Variants in PTGER4 observed in about 807,000 individuals in gnomAD.
PTGER4 encodes the protein prostaglandin E2 receptor EP4 subtype.
Under a neutral mutation model 33.2 loss-of-function variants are expected in PTGER4, and 11 were observed. That is an observed-to-expected ratio of 0.33 (90% CI 0.21 to 0.55). The LOEUF is 0.55. PTGER4 is among the 20% of genes least tolerant of loss of function. PTGER4 has a pLI of 0.92. For synonymous variants in PTGER4, 275 were observed against 281.5 expected (o/e 0.98, Z 0.23); for missense variants, 481 against 650.2 (o/e 0.74, Z 2.83).
At chr5:40,719,999 C>T in the PTGER4 span, among the ~76,000 whole-genome samples, 1,186 of 152,216 alleles carry the variant, frequency 7.8e-3, 12 homozygotes, top group African/African-American at 0.026. Context: ...TGCCTTTTCA[C>T]TTTCTTGACA....
chr5:40,708,289 A>T, the PTGER4 span, among the ~76,000 whole-genome samples: 13 of 152,158 alleles, frequency 8.5e-5, no homozygotes, highest in Admixed American at 7.9e-4. Context: ...CGCTAGCAAG[A>T]CTAATAAAGA....
At chr5:40,690,929 C>G (rs536796858) in intron 2 of PTGER4, among the ~76,000 whole-genome samples, 1 of 152,222 alleles carries the variant, frequency 6.6e-6, no homozygotes, top group Non-Finnish European at 1.5e-5. Flanking sequence ...TGTCTTTGCT[C>G]TAGGGAAGAT....
At chr5:40,726,748 A>G in the PTGER4 span, among the ~76,000 whole-genome samples, 1 of 152,162 alleles carries the variant, frequency 6.6e-6, no homozygotes, top group South Asian at 2.1e-4. Flanking sequence ...AATCTTTACT[A>G]AATATTATGT....
chr5:40,739,591 T>C, the PTGER4 span, among the ~76,000 whole-genome samples: 1 of 152,174 alleles, frequency 6.6e-6, no homozygotes, highest in African/African-American at 2.4e-5. Flanking sequence ...CTCTTCCTCC[T>C]GCTCCAGCCA....
chr5:40,695,368 C>T (rs1741565772), downstream of PTGER4, among the ~76,000 whole-genome samples: 1 of 152,070 alleles, frequency 6.6e-6, no homozygotes, highest in African/African-American at 2.4e-5. Flanking sequence ...CGTAATGAAA[C>T]CTCATCTCCA....
chr5:40,728,419 G>T, the PTGER4 span: 4 of 1,613,892 alleles, frequency 2.5e-6, no homozygotes, highest in African/African-American at 4.0e-5. Flanking sequence ...GGATTTTGCT[G>T]GACGGCCATT....
At chr5:40,697,897 A>C (rs1741650450), downstream of PTGER4, among the ~76,000 whole-genome samples, 1 of 151,776 alleles carries the variant, frequency 6.6e-6, no homozygotes, top group Non-Finnish European at 1.5e-5. Context: ...GGAGGCTGAG[A>C]CAGGATTGCT....
In PTGER4 at chr5:40,681,006, G is replaced by A; in HGVS notation, c.13G>A (p.Gly5Arg). MSTP[G>R]VNSSASLSPD... The stretch of plus-strand genomic sequence containing the variant: ...GCCAGCCACTATCATGTCCACTCCC[G>A]GGGTCAATTCGTCCGCCTCCTTGAG... Residue 5 changes from glycine (G) to arginine (R), a missense_variant, in exon 2 of 3, where the codon GGG becomes AGG. Gly to Arg is a moderately radical substitution (Grantham distance 125, BLOSUM62 -2). Around this residue, in one of 7 missense-constraint regions of PTGER4, gnomAD observed 26 missense variants for 21.0 expected, o/e 1.24. Coordinates refer to ENST00000302472, the MANE Select transcript of PTGER4 (RefSeq NM_000958.3). The surrounding 1 kb of genome is among the most constrained non-coding windows in gnomAD (Gnocchi z 9.8). The A allele has an allele frequency of 2.5e-6, 4 of 1,612,040 alleles. No individual in the cohort carries two copies. The highest frequency in any genetic ancestry group is 3.4e-6 in the Non-Finnish European group (4 of 1,178,976).
At chr5:40,739,562 C>T in the PTGER4 span, among the ~76,000 whole-genome samples, 1 of 152,044 alleles carries the variant, frequency 6.6e-6, no homozygotes, top group South Asian at 2.1e-4. Context: ...GTGTGTAGCA[C>T]TCCCACTCCC....
At chr5:40,703,324 G>C in the PTGER4 span, among the ~76,000 whole-genome samples, 1 of 152,006 alleles carries the variant, frequency 6.6e-6, no homozygotes, top group Non-Finnish European at 1.5e-5. Context: ...CTACTGAGCT[G>C]ACAGAAATAA....
chr5:40,726,144 TA>T, the PTGER4 span, among the ~76,000 whole-genome samples: 55 of 78,416 alleles, frequency 7.0e-4, no homozygotes, highest in South Asian at 6.9e-3. Context: ...TAAAGTCTTT[TA>T]TATATATATA....
the PTGER4 span, among the ~76,000 whole-genome samples, chr5:40,743,102 C>A: frequency 6.6e-6 from 1 of 152,100 alleles, no homozygotes. Context: ...TAAGTGTATA[C>A]AGTAACTTCA....
At chr5:40,733,027 G>GA in the PTGER4 span, among the ~76,000 whole-genome samples, 19 of 149,134 alleles carry the variant, frequency 1.3e-4, no homozygotes, top group African/African-American at 3.2e-4. Context: ...TAACACACAG[G>GA]AAAAAAAAAT....
At chr5:40,687,482 C>T (rs533409747) in intron 2 of PTGER4, among the ~76,000 whole-genome samples, 3 of 152,324 alleles carry the variant, frequency 2.0e-5, no homozygotes, top group South Asian at 4.1e-4. Context: ...CACCCCCTCA[C>T]GAGACATTGA....
the PTGER4 span, among the ~76,000 whole-genome samples, chr5:40,705,788 G>A: frequency 6.6e-6 from 1 of 152,166 alleles, no homozygotes; most frequent in African/African-American, 2.4e-5. Flanking sequence ...TCTCACACTA[G>A]TCAGAATGGC....
chr5:40,731,020 T>C, the PTGER4 span, among the ~76,000 whole-genome samples: 3 of 152,294 alleles, frequency 2.0e-5, no homozygotes, highest in Middle Eastern at 3.4e-3. Flanking sequence ...AAAAAGAAAG[T>C]ACTTGCACTT....
At chr5:40,724,002 C>T in the PTGER4 span, among the ~76,000 whole-genome samples, 1 of 152,096 alleles carries the variant, frequency 6.6e-6, no homozygotes, top group South Asian at 2.1e-4. Flanking sequence ...ATTAGAACTA[C>T]CATGTAATAA....
the PTGER4 span, among the ~76,000 whole-genome samples, chr5:40,731,771 C>G: frequency 1.3e-5 from 2 of 152,142 alleles, no homozygotes; most frequent in Non-Finnish European, 2.9e-5. Flanking sequence ...CTTCCTACTC[C>G]TCTTCATCTA....
the PTGER4 span, among the ~76,000 whole-genome samples, chr5:40,734,880 C>T: frequency 6.6e-5 from 10 of 152,190 alleles, no homozygotes; most frequent in East Asian, 1.5e-3. Context: ...ATATAAGTGC[C>T]GTGATAAAAG....
Sources: allele counts gnomAD v4.1 joint callset (sites outside exome capture counted in the v4.1 genomes callset), GRCh38; gene constraint gnomAD v4.1.1; regional missense constraint gnomAD v4.1.1; non-coding constraint Gnocchi (gnomAD v3.1); transcripts MANE v1.5; gene names NCBI Gene and HGNC (gene_info 2026-07-23, HGNC 2026-07-21).